The following GREB1 variants were observed in gnomAD, a reference collection of about 807,000 sequenced individuals.
GREB1 encodes the protein growth regulating estrogen receptor binding 1.
In GREB1, 106 loss-of-function variants were observed where a neutral mutation model predicts 200.7. The ratio of observed to expected loss-of-function variants is 0.53; its 90% CI spans 0.45 to 0.62. GREB1 has a LOEUF of 0.62. GREB1 is among the 20% of genes least tolerant of loss of function. GREB1 has a pLI of 0.00. For synonymous variants in GREB1, 1,132 were observed against 1,092.4 expected (o/e 1.04, Z -0.72); for missense variants, 2,243 against 2,556.8 (o/e 0.88, Z 2.65).
At chr2:11,545,343 G>T (rs1365847092) in intron 1 of GREB1, among the ~76,000 whole-genome samples, 2 of 152,038 alleles carry the variant, frequency 1.3e-5, no homozygotes, top group African/African-American at 4.8e-5. Context: ...TGTTGGCCAG[G>T]CTGGTCTCGA....
chr2:11,607,710 G>A lies in GREB1; in HGVS notation c.2667-2978G>A, dbSNP rs542028631. ...GAAAAAAGACAATTTCAGGTGTCAC[G>A]TGCATTGATGTACATACACATTGAT... On this transcript the variant is annotated intron_variant, in intron 17 of 32. Transcript: ENST00000381486. Among the ~76,000 whole-genome samples the A allele has an allele frequency of 7.3e-5, 11 of 151,542 alleles. 1 individual carries two copies. Among genetic ancestry groups the A allele is most frequent in the Middle Eastern group, 6.8e-3 (2 of 292 alleles).
chr2:11,535,695 G>A (rs1187918420), intron 1 of GREB1, among the ~76,000 whole-genome samples: 2 of 152,158 alleles, frequency 1.3e-5, no homozygotes, highest in Non-Finnish European at 2.9e-5. Flanking sequence ...GATTCAAGGG[G>A]AGAGGCTGAG....
In GREB1 at chr2:11,610,883, G is replaced by T; in HGVS notation, c.2862G>T (p.Val954=). ...CGHGLMVLLR[V]PCSPLAVVAY... ...ACGGGCTCATGGTCCTGCTGCGGGT[G>T]CCCTGTTCGCCCCTGGCGGTGGTGG... Residue 954 remains valine, a synonymous_variant, in exon 18 of 33, where the codon GTG becomes GTT. Transcript: ENST00000381486. 1 of 1,613,138 alleles carries T rather than the reference G, an allele frequency of 6.2e-7. No homozygotes were observed. Among genetic ancestry groups the T allele is most frequent in the South Asian group, 1.1e-5 (1 of 91,074 alleles).
chr2:11,512,026 T>C (rs557319164), intron 1 of GREB1, among the ~76,000 whole-genome samples: 27 of 152,238 alleles, frequency 1.8e-4, no homozygotes, highest in Admixed American at 4.6e-4. Flanking sequence ...CAGCGATTTC[T>C]AGCCTGTAGC....
chr2:11,539,679 G>A (rs1674579284), intron 1 of GREB1, among the ~76,000 whole-genome samples: 1 of 152,150 alleles, frequency 6.6e-6, no homozygotes, highest in South Asian at 2.1e-4. Context: ...TGTGTGGAGA[G>A]CACTGTGACC....
chr2:11,613,800 C>T (rs1180357587), intron 19 of GREB1, among the ~76,000 whole-genome samples: 1 of 152,218 alleles, frequency 6.6e-6, no homozygotes, highest in African/African-American at 2.4e-5. Flanking sequence ...ATGAAACTTA[C>T]TCCTTGCTGC....
intron 1 of GREB1, among the ~76,000 whole-genome samples, chr2:11,483,351 A>C (rs938108555): frequency 2.0e-5 from 3 of 148,130 alleles, no homozygotes; most frequent in African/African-American, 7.5e-5. Context: ...TGAGAGAGAG[A>C]GAGCACCCGA....
intron 1 of GREB1, among the ~76,000 whole-genome samples, chr2:11,536,705 C>T (rs190388674): frequency 3.3e-4 from 50 of 152,328 alleles, no homozygotes; most frequent in Non-Finnish European, 5.4e-4. Flanking sequence ...ATGGAGTTAA[C>T]ACTGGAGGTG....
intron 2 of GREB1, among the ~76,000 whole-genome samples, chr2:11,557,285 A>T (rs905150584): frequency 8.5e-5 from 13 of 152,228 alleles, no homozygotes; most frequent in African/African-American, 3.1e-4. Flanking sequence ...GAGTTTATTT[A>T]ATTATGCAGA....
chr2:11,571,595 GTTGCTAC>G (rs1678297213), intron 4 of GREB1, among the ~76,000 whole-genome samples: 2 of 152,208 alleles, frequency 1.3e-5, no homozygotes, highest in African/African-American at 4.8e-5. Context: ...AACTACTGTC[GTTGCTAC>G]CGGTACTTCT....
rs138167657 is a variant in GREB1, at chr2:11,566,484, T to C, written c.282T>C (p.Phe94=). ...AACCCTGTCCACCCCTCCTAGGGTT[T>C]TGCCAGGCCGGGAAGGACCTGCGCC... is the stretch of plus-strand genomic sequence containing the variant. ...LPEGCCTTDG[F]CQAGKDLRLV... is the part of the protein sequence containing the mutation. The change falls in exon 4 of 33, where the codon TTT becomes TTC. Residue 94 remains phenylalanine (F), a synonymous_variant. Coordinates refer to ENST00000381486, the MANE Select transcript of GREB1 (RefSeq NM_014668.4). 3.4e-4 allele frequency: 553 copies of C among 1,606,856 alleles called. 1 individual carries two copies. The highest frequency in any genetic ancestry group is 4.4e-4 in the Non-Finnish European group (521 of 1,175,972).
chr2:11,590,058 A>T (rs1236809476), intron 10 of GREB1, among the ~76,000 whole-genome samples: 1 of 152,138 alleles, frequency 6.6e-6, no homozygotes, highest in Non-Finnish European at 1.5e-5. Flanking sequence ...AGGAGAGGAA[A>T]GTGCCAAGGT....
intron 2 of GREB1, among the ~76,000 whole-genome samples, chr2:11,560,554 C>T (rs920858330): frequency 2.0e-5 from 3 of 151,884 alleles, no homozygotes; most frequent in African/African-American, 7.3e-5. Context: ...TACAAAAATT[C>T]GTTGGGCGTA....
chr2:11,556,849 CTT>C, intron 2 of GREB1, 78 bp downstream of exon 2: 1 of 1,098,870 alleles, frequency 9.1e-7, no homozygotes, highest in African/African-American at 1.6e-5. Flanking sequence ...ACTTGAAACT[CTT>C]TTCTTTATGT....
At chr2:11,600,407 C>T (rs1195823275) in intron 15 of GREB1, among the ~76,000 whole-genome samples, 1 of 152,124 alleles carries the variant, frequency 6.6e-6, no homozygotes, top group African/African-American at 2.4e-5. Flanking sequence ...TCTTTTACAT[C>T]TTTTCTGGAT....
chr2:11,511,720 T>C lies in GREB1; in HGVS notation c.-159+29339T>C, dbSNP rs565920967. Among the ~76,000 whole-genome samples, 5 of 152,286 alleles carry C rather than the reference T, an allele frequency of 3.3e-5. No individual in the cohort carries two copies. In the South Asian group the frequency reaches 1.0e-3, roughly 32 times the overall value. On this transcript the variant is annotated intron_variant, in intron 1 of 2. Coordinates refer to the GREB1 transcript ENST00000628795. ...TGAGCTTAGGGGAATGGGGTTCCTC[T>C]GTACTGCACAGTGGGCTTTCATATA...
Position 11,610,691 on chromosome 2 carries a change from C to A in GREB1, c.2670C>A (p.Phe890Leu). The change falls in exon 18 of 33, where the codon TTC becomes TTA. Residue 890 changes from phenylalanine to leucine, a missense_variant. Phe to Leu is a conservative substitution (Grantham distance 22). Coordinates refer to ENST00000381486, the MANE Select transcript of GREB1 (RefSeq NM_014668.4). ...GGTCTCTCTGTGTTCCTTGCAGGTT[C>A]CCCCGCCTGCACAGCGCGGTGATCA... Reference protein sequence around the residue: ...EAMVTALGKRFPRLHSAVIRT... With the variant: ...EAMVTALGKRLPRLHSAVIRT... 1.2e-6 allele frequency: 2 copies of A among 1,606,556 alleles called. No homozygotes were observed. Among genetic ancestry groups the A allele is most frequent in the East Asian group, 2.2e-5 (1 of 44,846 alleles).
chr2:11,530,391 A>T (rs1050675845), upstream of GREB1, among the ~76,000 whole-genome samples: 9 of 151,102 alleles, frequency 6.0e-5, no homozygotes, highest in Non-Finnish European at 1.2e-4. Flanking sequence ...ACTAAAGTTG[A>T]TCTTTGCCAA....
In GREB1 at chr2:11,578,632, C is replaced by T. The variant is rs887807479; in HGVS notation, c.772+201C>T. 2.0e-5 allele frequency among the ~76,000 whole-genome samples: 3 copies of T among 152,206 alleles called. No individual in the cohort carries two copies. The East Asian group carries it at 5.8e-4, about 29-fold the overall frequency. ...TAGGTTTTTCATTGGGAGTTTCTTTCTTCCTGTTTGATATGAAGTGGGATC... is the reference window on the plus strand; with the variant it reads ...TAGGTTTTTCATTGGGAGTTTCTTTTTTCCTGTTTGATATGAAGTGGGATC... On this transcript the variant is annotated intron_variant, in intron 6 of 32. Transcript: ENST00000381486.
Sources: allele counts gnomAD v4.1 joint callset (sites outside exome capture counted in the v4.1 genomes callset), GRCh38; gene constraint gnomAD v4.1.1; transcripts MANE v1.5; gene names NCBI Gene and HGNC (gene_info 2026-07-23, HGNC 2026-07-21).